TNIK: variants seen among roughly 807,000 people sequenced by gnomAD.
The protein encoded by TNIK is TRAF2 and NCK interacting kinase.
TNIK carries 49 observed loss-of-function variants against 191.3 expected under a neutral mutation model. That is an observed-to-expected ratio of 0.26 (90% confidence interval 0.20 to 0.32). The LOEUF is 0.32. TNIK is among the 10% of genes least tolerant of loss of function. The probability of loss-of-function intolerance (pLI) is 1.00; values close to 1 mark genes in which losing one functional copy is unlikely to be tolerated. For synonymous variants in TNIK, 594 were observed against 600.9 expected, an observed-to-expected ratio of 0.99 and a Z score of 0.17; for missense variants, 1,155 against 1,702.3, an observed-to-expected ratio of 0.68 and a Z score of 5.66.
chr3:171,241,621 A>G (rs1745002143), intron 2 of TNIK, among the ~76,000 whole-genome samples: 1 of 152,214 alleles, frequency 6.6e-6, no homozygotes, highest in South Asian at 2.1e-4. Flanking sequence ...TGCTTTATTT[A>G]AATATTAGCA....
At chr3:171,459,675 TACACAC>T (rs58614773) in intron 1 of TNIK, among the ~76,000 whole-genome samples, 26 of 146,334 alleles carry the variant, frequency 1.8e-4, no homozygotes, top group Admixed American at 7.4e-4. Flanking sequence ...CCGGGGCGTG[TACACAC>T]ACACACACAC....
At chr3:171,282,334 G>T (rs1404520659) in intron 2 of TNIK, among the ~76,000 whole-genome samples, 2 of 114,524 alleles carry the variant, frequency 1.7e-5, no homozygotes, top group African/African-American at 3.5e-5. Flanking sequence ...TCTCTTAATG[G>T]TTTTTTGTTT....
intron 7 of TNIK, among the ~76,000 whole-genome samples, chr3:171,185,605 C>G (rs759156581): frequency 2.0e-5 from 3 of 152,168 alleles, no homozygotes; most frequent in South Asian, 2.1e-4. Flanking sequence ...GATTCTGGCA[C>G]TCCTCCTTAG....
chr3:171,193,189 T>C (rs1488911851), intron 5 of TNIK, among the ~76,000 whole-genome samples: 1 of 152,228 alleles, frequency 6.6e-6, no homozygotes, highest in Non-Finnish European at 1.5e-5. Flanking sequence ...GTAACAATAC[T>C]ACTCTGTCTT....
intron 10 of TNIK, among the ~76,000 whole-genome samples, chr3:171,165,922 A>G (rs1734562688): frequency 6.6e-6 from 1 of 152,156 alleles, no homozygotes; most frequent in Non-Finnish European, 1.5e-5. Flanking sequence ...TACCTCAGCT[A>G]GCCATTAAAC....
At chr3:171,429,737 C>T (rs1201251484) in intron 1 of TNIK, among the ~76,000 whole-genome samples, 1 of 152,192 alleles carries the variant, frequency 6.6e-6, no homozygotes, top group Non-Finnish European at 1.5e-5. Context: ...AATTCCCTCT[C>T]TGGTTGTTCT....
intron 1 of TNIK, among the ~76,000 whole-genome samples, chr3:171,376,788 ATAG>A (rs1335140622): frequency 4.0e-5 from 6 of 150,414 alleles, no homozygotes; most frequent in Non-Finnish European, 5.9e-5. Flanking sequence ...AGATAGATAG[ATAG>A]ATGAGAGAGA....
intron 12 of TNIK, among the ~76,000 whole-genome samples, chr3:171,144,719 A>G (rs1731298072): frequency 6.6e-6 from 1 of 152,190 alleles, no homozygotes; most frequent in African/African-American, 2.4e-5. Flanking sequence ...ACCAGCACTT[A>G]TTCCTCTCGT....
chr3:171,321,675 T>C (rs1755178254), intron 2 of TNIK, among the ~76,000 whole-genome samples: 1 of 152,184 alleles, frequency 6.6e-6, no homozygotes, highest in East Asian at 1.9e-4. Flanking sequence ...AACAGCCTAT[T>C]ATGTTACAGG....
intron 2 of TNIK, among the ~76,000 whole-genome samples, chr3:171,264,837 C>T (rs1484950148): frequency 1.3e-5 from 2 of 152,118 alleles, no homozygotes; most frequent in Admixed American, 6.5e-5. Context: ...ACTAAGTTTA[C>T]AGTTAAGGAG....
At chr3:171,175,093 A>G (rs745795838) in intron 9 of TNIK, among the ~76,000 whole-genome samples, 159 bp downstream of exon 9, 14 of 152,220 alleles carry the variant, frequency 9.2e-5, no homozygotes, top group Non-Finnish European at 1.8e-4. Flanking sequence ...CTCAATATAT[A>G]CTTTAAGATG....
chr3:171,451,883 A>G (rs988754978), intron 1 of TNIK, among the ~76,000 whole-genome samples: 3 of 152,242 alleles, frequency 2.0e-5, no homozygotes, highest in African/African-American at 7.2e-5. Context: ...AGTTAATCAC[A>G]TTTCACAGAA....
At chr3:171,378,527 G>C (rs969385469) in intron 1 of TNIK, among the ~76,000 whole-genome samples, 5 of 152,166 alleles carry the variant, frequency 3.3e-5, no homozygotes, top group Non-Finnish European at 7.4e-5. Flanking sequence ...ACTCAAGAAA[G>C]AATAATTTCT....
At chr3:171,221,387 C>A (rs773999298) in intron 3 of TNIK, among the ~76,000 whole-genome samples, 5 of 152,166 alleles carry the variant, frequency 3.3e-5, no homozygotes, top group Non-Finnish European at 5.9e-5. Flanking sequence ...CTCCCCTACC[C>A]CTTCACTTGG....
At chr3:171,104,302 T>C (rs1245693217) in intron 21 of TNIK, among the ~76,000 whole-genome samples, 1 of 152,100 alleles carries the variant, frequency 6.6e-6, no homozygotes, top group Admixed American at 6.6e-5. Flanking sequence ...ATTAACACCA[T>C]TGGGTTCAAT....
In TNIK at chr3:171,135,641, C is replaced by T. The variant is rs548153236; in HGVS notation, c.1608+2550G>A. ...ATGTTCCCATATATCTGTGGAAATG[C>T]GTGAAGCCCAAAGGAAGCACACCAG... On this transcript the variant is annotated intron_variant, in intron 15 of 32. Coordinates refer to ENST00000436636, the MANE Select transcript of TNIK (RefSeq NM_015028.4). 2.4e-3 allele frequency among the ~76,000 whole-genome samples: 372 copies of T among 152,256 alleles called. 1 individual carries two copies. Among genetic ancestry groups the T allele is most frequent in the Non-Finnish European group, 4.2e-3 (287 of 68,026 alleles).
At chr3:171,348,517 CT>C (rs1374591573) in intron 2 of TNIK, among the ~76,000 whole-genome samples, 1 of 152,014 alleles carries the variant, frequency 6.6e-6, no homozygotes, top group Non-Finnish European at 1.5e-5. Flanking sequence ...GCCTACAGTA[CT>C]TTTTGCAGTC....
intron 2 of TNIK, among the ~76,000 whole-genome samples, chr3:171,352,230 T>C (rs1713321199): frequency 6.6e-6 from 1 of 152,224 alleles, no homozygotes; most frequent in Non-Finnish European, 1.5e-5. Flanking sequence ...AGGTTCATCC[T>C]GGGTTCTCAT....
chr3:171,382,896 A>C (rs986804596), intron 1 of TNIK, among the ~76,000 whole-genome samples: 1 of 152,208 alleles, frequency 6.6e-6, no homozygotes, highest in Non-Finnish European at 1.5e-5. Flanking sequence ...GAAACTGATG[A>C]TAATAATAAT....
Sources: allele counts gnomAD v4.1 joint callset (sites outside exome capture counted in the v4.1 genomes callset), GRCh38; gene constraint gnomAD v4.1.1; transcripts MANE v1.5; gene names NCBI Gene and HGNC (gene_info 2026-07-23, HGNC 2026-07-21).